Variants in CDK5RAP2 observed in about 807,000 individuals in gnomAD.
CDK5RAP2 encodes CDK5 regulatory subunit-associated protein 2.
Under a neutral mutation model 232.9 loss-of-function variants are expected in CDK5RAP2, and 147 were observed. The observed-to-expected ratio is 0.63, with a 90% confidence interval of 0.55 to 0.72. CDK5RAP2 has a LOEUF of 0.72. Among genes scored for constraint, CDK5RAP2 ranks in the 30% least tolerant of loss-of-function variants. The pLI, the probability that CDK5RAP2 is intolerant of heterozygous loss-of-function variation, is 0.00. For synonymous variants in CDK5RAP2, 833 were observed against 833.7 expected, an observed-to-expected ratio of 1.00 and a Z score of 0.01; for missense variants, 2,195 against 2,231.5, an observed-to-expected ratio of 0.98 and a Z score of 0.33.
At position 120,453,542 on chromosome 9, in the gene CDK5RAP2, G is replaced by C. The variant is rs768459345; in HGVS notation, c.2707C>G (p.Leu903Val). Residue 903 changes from leucine (L) to valine (V), a missense_variant, in exon 21 of 38, where the codon CTC becomes GTC. Leu to Val is a conservative substitution (Grantham distance 32). Transcript: ENST00000349780. ...AWEEKPINTA[L>V]SAEHRPENLH... ...TTCTCTGGCCGATGCTCTGCGCTGA[G>C]TGCAGTGTTGATCGGTTTCTCTTCC... 1 of 1,614,174 alleles carries C rather than the reference G, an allele frequency of 6.2e-7. No homozygotes were observed.
intron 3 of CDK5RAP2, among the ~76,000 whole-genome samples, chr9:120,563,720 G>A (rs1270605473): frequency 6.6e-6 from 1 of 152,180 alleles, no homozygotes; most frequent in Non-Finnish European, 1.5e-5. Context: ...ACACCATGGT[G>A]CTTCTGAAAG....
intron 25 of CDK5RAP2, among the ~76,000 whole-genome samples, chr9:120,431,923 T>C (rs2035306658): frequency 6.6e-6 from 1 of 152,224 alleles, no homozygotes; most frequent in Admixed American, 6.5e-5. Flanking sequence ...CTTGGGAATC[T>C]AAGTTATAGA....
intron 6 of CDK5RAP2, 180 bp from the exon 7 acceptor site, chr9:120,536,706 T>C (rs2041407803): frequency 1.4e-6 from 1 of 710,838 alleles, no homozygotes; most frequent in Non-Finnish European, 2.5e-6. Context: ...TTTTTCCCTC[T>C]TGTATCCTGA....
chr9:120,393,612 T>C (rs2032197310), intron 36 of CDK5RAP2, among the ~76,000 whole-genome samples: 1 of 152,236 alleles, frequency 6.6e-6, no homozygotes, highest in African/African-American at 2.4e-5. Flanking sequence ...CAGGGCCATG[T>C]TGCCAACAGG....
chr9:120,411,556 C>G, intron 28 of CDK5RAP2, 82 bp from the exon 29 acceptor site: 2 of 789,126 alleles, frequency 2.5e-6, no homozygotes, highest in South Asian at 2.8e-5. Flanking sequence ...CAGTTTTAAA[C>G]AAAGAGTTAA....
intron 3 of CDK5RAP2, among the ~76,000 whole-genome samples, chr9:120,558,370 TCAA>T (rs1203154904): frequency 0.022 from 10 of 454 alleles, no homozygotes; most frequent in African/African-American, 0.025. Flanking sequence ...AGACTCCGTC[TCAA>T]AAAAAAAAAA....
intron 20 of CDK5RAP2, among the ~76,000 whole-genome samples, chr9:120,455,800 G>A (rs1293921138): frequency 1.3e-5 from 2 of 151,972 alleles, no homozygotes; most frequent in African/African-American, 4.8e-5. Context: ...GGACGGAGAG[G>A]CCTTGCACAC....
At chr9:120,428,787 G>A (rs967999484) in intron 25 of CDK5RAP2, among the ~76,000 whole-genome samples, 53 of 152,054 alleles carry the variant, frequency 3.5e-4, no homozygotes, top group Non-Finnish European at 6.6e-4. Context: ...TACCAAAGCC[G>A]GGCAGAGACA....
At chr9:120,551,981 C>T (rs1428972506) in intron 3 of CDK5RAP2, among the ~76,000 whole-genome samples, 2 of 151,660 alleles carry the variant, frequency 1.3e-5, no homozygotes, top group Non-Finnish European at 2.9e-5. Context: ...ACAATGAACT[C>T]AAACAAATTT....
At chr9:120,487,920 C>T (rs1270534021) in intron 13 of CDK5RAP2, among the ~76,000 whole-genome samples, 3 of 152,292 alleles carry the variant, frequency 2.0e-5, no homozygotes, top group African/African-American at 7.2e-5. Context: ...TGTCCATATC[C>T]AAAAGGAGAT....
intron 13 of CDK5RAP2, among the ~76,000 whole-genome samples, chr9:120,488,787 C>T (rs1588465700): frequency 6.6e-6 from 1 of 152,258 alleles, no homozygotes; most frequent in African/African-American, 2.4e-5. Context: ...CGTGATCACA[C>T]ATCAAAAAAT....
chr9:120,408,092 G>GGTCA, intron 31 of CDK5RAP2: 1 of 512,154 alleles, frequency 2.0e-6, no homozygotes, highest in Non-Finnish European at 3.6e-6. Flanking sequence ...GCCTACTGAG[G>GGTCA]GTCACATAGC....
chr9:120,421,179 G>A (rs2034546576), intron 26 of CDK5RAP2, among the ~76,000 whole-genome samples: 1 of 152,130 alleles, frequency 6.6e-6, no homozygotes, highest in Admixed American at 6.5e-5. Flanking sequence ...CCCTCTATGT[G>A]CCAGCTACAT....
intron 11 of CDK5RAP2, among the ~76,000 whole-genome samples, chr9:120,522,412 T>C (rs998342763): frequency 1.3e-5 from 2 of 152,212 alleles, no homozygotes; most frequent in Non-Finnish European, 2.9e-5. Context: ...TAAAAAATGG[T>C]CATGGAACAA....
chr9:120,564,824 A>G (rs1440917837), intron 3 of CDK5RAP2, among the ~76,000 whole-genome samples: 1 of 152,186 alleles, frequency 6.6e-6, no homozygotes, highest in East Asian at 1.9e-4. Context: ...ACTCACCCAA[A>G]AAACATGTTT....
chr9:120,569,499 G>A (rs1564389395), intron 2 of CDK5RAP2, among the ~76,000 whole-genome samples: 1 of 151,994 alleles, frequency 6.6e-6, no homozygotes, highest in Non-Finnish European at 1.5e-5. Context: ...CAGACTTGAA[G>A]AGAAAGGACC....
At chr9:120,561,855 C>T (rs1323700670) in intron 3 of CDK5RAP2, among the ~76,000 whole-genome samples, 4 of 152,218 alleles carry the variant, frequency 2.6e-5, no homozygotes, top group Non-Finnish European at 5.9e-5. Flanking sequence ...TCACAGTCAA[C>T]TGTTTAACCA....
chr9:120,452,347 C>A (rs988095063), intron 21 of CDK5RAP2, among the ~76,000 whole-genome samples: 1 of 151,640 alleles, frequency 6.6e-6, no homozygotes, highest in African/African-American at 2.4e-5. Flanking sequence ...CAATCAAAAG[C>A]AATTTTGCTA....
intron 28 of CDK5RAP2, among the ~76,000 whole-genome samples, chr9:120,413,963 T>C (rs1056110514): frequency 6.6e-6 from 1 of 152,176 alleles, no homozygotes; most frequent in African/African-American, 2.4e-5. Flanking sequence ...TAGAGAAGAA[T>C]GAGACCTGGA....
Sources: allele counts gnomAD v4.1 joint callset (sites outside exome capture counted in the v4.1 genomes callset), GRCh38; gene constraint gnomAD v4.1.1; transcripts MANE v1.5; gene names NCBI Gene and HGNC (gene_info 2026-07-23, HGNC 2026-07-21).